The following CYP19A1 variants were observed in gnomAD, a reference collection of about 807,000 sequenced individuals.
CYP19A1 encodes the protein aromatase.
A neutral mutation model predicts 44.4 loss-of-function variants in CYP19A1; 32 were observed. The ratio of observed to expected loss-of-function variants is 0.72; its 90% CI spans 0.54 to 0.97. The LOEUF (loss-of-function observed/expected upper bound fraction) is 0.97, where lower values mean the gene tolerates loss of function less well. Among genes scored for constraint, CYP19A1 ranks in the 50% least tolerant of loss-of-function variants. The pLI is 0.00. For missense variants in CYP19A1, 598 were observed against 637.8 expected (o/e 0.94, Z 0.67); for synonymous variants, 212 against 215.6 (o/e 0.98, Z 0.14).
At chr15:51,231,293 CAGTG>C (rs2033010074) in intron 3 of CYP19A1, among the ~76,000 whole-genome samples, 2 of 152,188 alleles carry the variant, frequency 1.3e-5, no homozygotes, top group South Asian at 4.2e-4. Context: ...CCTGATGAAA[CAGTG>C]AGAGAAATTC....
intron 1 of CYP19A1, among the ~76,000 whole-genome samples, chr15:51,284,932 T>C (rs1420526507): frequency 6.6e-6 from 1 of 152,162 alleles, no homozygotes; most frequent in Non-Finnish European, 1.5e-5. Context: ...ACAGTGCAAA[T>C]TGAAGGTTTG....
intron 1 of CYP19A1, among the ~76,000 whole-genome samples, chr15:51,289,360 C>G (rs1009926089): frequency 6.6e-6 from 1 of 152,158 alleles, no homozygotes; most frequent in Non-Finnish European, 1.5e-5. Flanking sequence ...ACTGCTTATG[C>G]CATTCCCTGC....
rs111303943 is a variant in CYP19A1, at chr15:51,246,231, T to A, written c.-38-3281A>T. ...AGAACTTGCACAGAGGTTGTTTACA[T>A]GTCCCCTCGGCCAGTAATACCCTCC... is the stretch of plus-strand genomic sequence containing the variant. On this transcript the variant is annotated intron_variant, in intron 1 of 9. Transcript: ENST00000396402. Among the ~76,000 whole-genome samples the A allele has an allele frequency of 4.4e-3, 669 of 152,284 alleles. 4 individuals carry two copies. The highest frequency in any genetic ancestry group is 0.015 in the African/African-American group (640 of 41,540).
At chr15:51,261,977 CA>C (rs1234384770) in intron 1 of CYP19A1, among the ~76,000 whole-genome samples, 2 of 152,140 alleles carry the variant, frequency 1.3e-5, no homozygotes, top group Non-Finnish European at 2.9e-5. Context: ...CAAATCTGGC[CA>C]TAAACTGGCC....
At chr15:51,239,600 A>G (rs1307605084) in intron 2 of CYP19A1, among the ~76,000 whole-genome samples, 1 of 152,024 alleles carries the variant, frequency 6.6e-6, no homozygotes, top group Non-Finnish European at 1.5e-5. Flanking sequence ...ATTAACCTGT[A>G]TTCTCTGGGA....
rs373372775 is a variant in CYP19A1, at chr15:51,239,496, A to C, written c.146-2487T>G. 8.5e-5 allele frequency among the ~76,000 whole-genome samples: 13 copies of C among 152,340 alleles called. No homozygotes were observed. In the East Asian group the frequency reaches 2.1e-3, roughly 25 times the overall value. On this transcript the variant is annotated intron_variant, in intron 2 of 9. Transcript: ENST00000396402. ...ACTACACCTGCATGCCACGATGTGG[A>C]TGGATCTTAGAAACATACTATTGAG...
At chr15:51,304,085 T>A (rs1219532584) in intron 1 of CYP19A1, among the ~76,000 whole-genome samples, 1 of 152,162 alleles carries the variant, frequency 6.6e-6, no homozygotes. Flanking sequence ...GAGGAGGAAG[T>A]CATTAGAAAC....
At chr15:51,222,768 A>C (rs1381598606) in intron 4 of CYP19A1, among the ~76,000 whole-genome samples, 1 of 152,258 alleles carries the variant, frequency 6.6e-6, no homozygotes, top group Non-Finnish European at 1.5e-5. Context: ...ATTTTAAACA[A>C]ACTATTAAAA....
At chr15:51,324,713 AG>A (rs2036581091) in intron 1 of CYP19A1, among the ~76,000 whole-genome samples, 1 of 152,270 alleles carries the variant, frequency 6.6e-6, no homozygotes, top group Non-Finnish European at 1.5e-5. Context: ...ATTGAGAAAA[AG>A]CAATGGAAGA....
chr15:51,309,318 A>G (rs1365226967), intron 1 of CYP19A1, among the ~76,000 whole-genome samples: 1 of 152,208 alleles, frequency 6.6e-6, no homozygotes, highest in East Asian at 1.9e-4. Context: ...CTCCAGAACA[A>G]TGAGAAATAA....
At chr15:51,297,817 GACAC>G (rs1159870053) in intron 1 of CYP19A1, among the ~76,000 whole-genome samples, 3,272 of 111,702 alleles carry the variant, frequency 0.029, 55 homozygotes, top group East Asian at 0.046. Flanking sequence ...CTGTAGGCAT[GACAC>G]ACACACACAC....
intron 1 of CYP19A1, among the ~76,000 whole-genome samples, chr15:51,266,917 A>G (rs2034941400): frequency 6.6e-6 from 1 of 152,218 alleles, no homozygotes; most frequent in Admixed American, 6.5e-5. Flanking sequence ...GCTCTCCACG[A>G]TGTGACTGTT....
rs945642230 is a variant in CYP19A1 at position 51,318,348 on chromosome 15, T to C, written c.-39+20147A>G. ...TGTTTGTTCAGCTCCAAAGATAAGT[T>C]CCAACAACCACATTCTAACATCTTC... On this transcript the variant is annotated intron_variant, in intron 1 of 9. Transcript: ENST00000396402. The C allele has an allele frequency of 2.6e-5, 4 of 152,224 alleles. No individual in the cohort carries two copies. In the East Asian group the frequency reaches 7.7e-4, roughly 29 times the overall value. 9.4% of individuals were successfully genotyped at this position (152,224 alleles called of 1,614,324 possible).
At chr15:51,297,868 A>ACACACACACACACACACC (rs1173662173) in intron 1 of CYP19A1, among the ~76,000 whole-genome samples, 11 of 146,676 alleles carry the variant, frequency 7.5e-5, no homozygotes, top group Non-Finnish European at 1.5e-5. Flanking sequence ...ACACACACAC[A>ACACACACACACACACACC]CCCTAGGCCT....
intron 1 of CYP19A1, among the ~76,000 whole-genome samples, chr15:51,272,243 C>T (rs1411767143): frequency 1.3e-5 from 2 of 152,186 alleles, no homozygotes; most frequent in South Asian, 2.1e-4. Context: ...CTTCAAGATA[C>T]GTGTTCCTGA....
In CYP19A1 at chr15:51,215,785, A is replaced by G; in HGVS notation, c.776T>C (p.Ile259Thr). 6.2e-7 allele frequency: 1 copy of G among 1,613,976 alleles called. No homozygotes were observed. Among genetic ancestry groups the G allele is most frequent in the Non-Finnish European group, 8.5e-7 (1 of 1,179,968 alleles). ...KDLKDAIEVL[I>T]AEKRRRISTE... ...GGAAATCCTGCGTCTTTTTTCTGCT[A>G]TCAGAACTTCTATGGCATCTTTCAA... Residue 259 changes from isoleucine to threonine, a missense_variant, in exon 7 of 10, where the codon ATA becomes ACA. Coordinates refer to ENST00000396402, the MANE Select transcript of CYP19A1 (RefSeq NM_000103.4).
Position 51,233,131 on chromosome 15 carries a change from G to C in CYP19A1, c.296+3728C>G, listed in dbSNP as rs573400729. 1.6e-4 allele frequency among the ~76,000 whole-genome samples: 25 copies of C among 152,216 alleles called. 1 individual carries two copies. The South Asian group carries it at 4.6e-3, about 28-fold the overall frequency. On this transcript the variant is annotated intron_variant, in intron 3 of 9. Transcript: ENST00000396402. ...ATTTAAATGCTGTCTTCTCAGTGAGGGCTGCCTGAACCACCTGTTTACAAT... is the reference window on the plus strand; with the variant it reads ...ATTTAAATGCTGTCTTCTCAGTGAGCGCTGCCTGAACCACCTGTTTACAAT...
At chr15:51,330,098 C>G (rs993679009) in intron 1 of CYP19A1, among the ~76,000 whole-genome samples, 10 of 152,194 alleles carry the variant, frequency 6.6e-5, no homozygotes, top group Admixed American at 1.3e-4. Flanking sequence ...AGGGAGGGAG[C>G]AGGCACCTCC....
chr15:51,254,828 A>G (rs1335239927), intron 1 of CYP19A1, among the ~76,000 whole-genome samples: 1 of 152,188 alleles, frequency 6.6e-6, no homozygotes, highest in Non-Finnish European at 1.5e-5. Flanking sequence ...AATGATCAGT[A>G]AGTCTCCTCA....
Sources: gnomAD v4.1 joint callset for allele counts (sites outside exome capture counted in the v4.1 genomes callset) on GRCh38, gnomAD v4.1.1 for gene constraint, MANE v1.5 for transcripts, NCBI Gene and HGNC (gene_info 2026-07-23, HGNC 2026-07-21) for gene names.